P4HTM: variants seen among roughly 807,000 people sequenced by gnomAD.
The protein encoded by P4HTM is transmembrane prolyl 4-hydroxylase.
Under a neutral mutation model 55.3 loss-of-function variants are expected in P4HTM, and 33 were observed. The observed-to-expected ratio is 0.60, with a 90% CI of 0.45 to 0.80. P4HTM has a LOEUF of 0.80. Among genes scored for constraint, P4HTM ranks in the 30% least tolerant of loss-of-function variants. P4HTM has a pLI of 0.00. For missense variants in P4HTM, 542 were observed against 696.5 expected (o/e 0.78, Z 2.50); for synonymous variants, 272 against 286.4 (o/e 0.95, Z 0.51).
rs149937234 is a variant in P4HTM at position 49,002,926 on chromosome 3, G to A, written c.724+330G>A. On this transcript the variant is annotated intron_variant, in intron 4 of 8. Coordinates refer to ENST00000383729, the MANE Select transcript of P4HTM (RefSeq NM_177939.3). The surrounding 1 kb of genome is among the most constrained non-coding windows in gnomAD (Gnocchi z 4.4). ...AGAGTGGGTGGAGCAGGAGCAAGGCGACAGTGAGGCCAGCTAGAGCTTGGC... is the reference window on the plus strand; with the variant it reads ...AGAGTGGGTGGAGCAGGAGCAAGGCAACAGTGAGGCCAGCTAGAGCTTGGC... The A allele has an allele frequency of 4.6e-5, 19 of 410,388 alleles. No individual in the cohort carries two copies. Among genetic ancestry groups the A allele is most frequent in the Middle Eastern group, 7.4e-4 (1 of 1,352 alleles). 25.4% of individuals were successfully genotyped at this position (410,388 alleles called of 1,614,324 possible). A position where few individuals can be genotyped will look rare whatever the true frequency, so the allele number is the denominator to read the frequency against.
chr3:49,004,274 GCTGTT>G lies in P4HTM; in HGVS notation c.887+17_887+21del. 1 of 1,542,120 alleles carries G rather than the reference GCTGTT, an allele frequency of 6.5e-7. No individual in the cohort carries two copies. The highest frequency in any genetic ancestry group is 8.7e-7 in the Non-Finnish European group (1 of 1,142,868). ...CATCCGCCAGAGGTGAGCACCTGAA[GCTGTT>G]CTCACTGGAGCAGGGGGAGAAGACT... On this transcript the variant is annotated intron_variant, in intron 5 of 8. Transcript: ENST00000383729.
At chr3:48,991,952 G>A (rs1011103145) in intron 2 of P4HTM, 1 of 152,222 alleles carries the variant, frequency 6.6e-6, no homozygotes, top group Non-Finnish European at 1.5e-5. Context: ...AAGGCAGAGG[G>A]TCCTGGTTGG....
At chr3:48,991,643 G>T (rs2092931557) in intron 2 of P4HTM, 1 of 152,350 alleles carries the variant, frequency 6.6e-6, no homozygotes, top group Non-Finnish European at 1.5e-5. Context: ...GGCTGACACG[G>T]TTACTTCAGT....
Position 49,006,695 on chromosome 3 carries a change from G to A in P4HTM, c.1297G>A (p.Gly433Ser). 1 of 1,613,578 alleles carries A rather than the reference G, an allele frequency of 6.2e-7. No individual in the cohort carries two copies. The highest frequency in any genetic ancestry group is 8.5e-7 in the Non-Finnish European group (1 of 1,179,958). ...TCACCCTCCTCTTCTAGGTTGGGTG[G>A]GTGACGTAGACGACTACTCGCTGCA... ...NYLPDGQGWV[G>S]DVDDYSLHGG... Residue 433 changes from glycine to serine, a missense_variant, in exon 9 of 9, where the codon GGT (glycine) becomes AGT (serine). Gly to Ser is a moderately conservative substitution (Grantham distance 56). This residue lies in a region of P4HTM where 536 missense variants were observed against 672.1 expected (regional missense o/e 0.80). Transcript: ENST00000383729.
At chr3:48,998,668 T>G (rs1374791225) in intron 2 of P4HTM, among the ~76,000 whole-genome samples, 1 of 152,178 alleles carries the variant, frequency 6.6e-6, no homozygotes, top group African/African-American at 2.4e-5. Context: ...ACTCTCCATC[T>G]TAAAGTGAGG....
intron 7 of P4HTM, 80 bp from the exon 8 acceptor site, chr3:49,005,984 G>A: frequency 6.4e-7 from 1 of 1,561,040 alleles, no homozygotes; most frequent in Non-Finnish European, 8.7e-7. Flanking sequence ...ATATCTGGTT[G>A]GTTTCCCTTT....
Position 49,006,783 on chromosome 3 carries a change from CCAGCCGAGCGCGGCAAGCGCT to C in P4HTM, c.1386_1406del (p.Ser463_Leu469del). The stretch of plus-strand genomic sequence containing the variant: ...GCCAACAACTGGATTAATGTGGACC[CCAGCCGAGCGCGGCAAGCGCT>C]GTTCCAACAGGAGATGGCCCGCCTT... On this transcript the variant is annotated inframe_deletion, in exon 9 of 9. Coordinates refer to ENST00000383729, the MANE Select transcript of P4HTM (RefSeq NM_177939.3). 1 of 1,613,612 alleles carries C rather than the reference CCAGCCGAGCGCGGCAAGCGCT, an allele frequency of 6.2e-7. No individual in the cohort carries two copies. The highest frequency in any genetic ancestry group is 8.5e-7 in the Non-Finnish European group (1 of 1,180,040).
intron 2 of P4HTM, among the ~76,000 whole-genome samples, chr3:48,995,127 A>G (rs1165525563): frequency 6.6e-6 from 1 of 151,900 alleles, no homozygotes; most frequent in African/African-American, 2.4e-5. Context: ...AATGTCTCCA[A>G]CATTTTCCAT....
At position 48,990,805 on chromosome 3, in the gene P4HTM, AG is replaced by A; in HGVS notation, c.355-27del. On this transcript the variant is annotated intron_variant, in intron 1 of 8. Transcript: ENST00000383729. The surrounding 1 kb of genome is among the most constrained non-coding windows in gnomAD (Gnocchi z 7.2). ...CTTGGGCAGCGCGGTCTGGCGCCCC[AG>A]CTGCCCGCTGTGCGCCTTTTCCTTA... is the stretch of plus-strand genomic sequence containing the variant. The A allele has an allele frequency of 6.2e-7, 1 of 1,604,966 alleles. No homozygotes were observed. Among genetic ancestry groups the A allele is most frequent in the Non-Finnish European group, 8.5e-7 (1 of 1,172,614 alleles).
intron 6 of P4HTM, chr3:49,005,485 C>T (rs2092975107): frequency 9.7e-6 from 13 of 1,346,082 alleles, no homozygotes; most frequent in Admixed American, 3.6e-5. Flanking sequence ...TCAGCGCGCC[C>T]TGTTGCTTCT....
At position 49,007,138 on chromosome 3, in the gene P4HTM, G is replaced by A; in HGVS notation, c.*231G>A. The stretch of plus-strand genomic sequence containing the variant: ...CGAGCCGCCGGGCCCGACAAACTCC[G>A]GGTCGGCGAAACAGAGTCCGCGATA... On this transcript the variant is annotated 3_prime_UTR_variant, in exon 9 of 9. Transcript: ENST00000383729. This position sits in a 1 kb window ranked among gnomAD's most constrained non-coding sequence, Gnocchi z 5.1. 1 of 717,758 alleles carries A rather than the reference G, an allele frequency of 1.4e-6. No homozygotes were observed. Among genetic ancestry groups the A allele is most frequent in the South Asian group, 1.9e-5 (1 of 51,806 alleles). The allele number at this position is 717,758 out of a possible 1,614,324, so 44.5% of individuals were successfully genotyped here. A position where few individuals can be genotyped will look rare whatever the true frequency, so the allele number is the denominator to read the frequency against.
rs200947739 is a variant in P4HTM, at chr3:49,001,552, G to C, written c.551G>C (p.Ser184Thr). 8.1e-6 allele frequency: 13 copies of C among 1,613,898 alleles called. No individual in the cohort carries two copies. The highest frequency in any genetic ancestry group is 1.6e-4 in the Middle Eastern group (1 of 6,062). ...ACTGAAGAGTATGAAGAGGCAATGA[G>C]CACTATGCAGGTCAGCCAGCTGGAC... is the stretch of plus-strand genomic sequence containing the variant. ...LPTEEYEEAM[S>T]TMQVSQLDLF... The change falls in exon 3 of 9, where the codon AGC (serine) becomes ACC (threonine). Residue 184 changes from serine to threonine, a missense_variant. Ser to Thr is a moderately conservative substitution (Grantham distance 58). Around this residue, in one of 2 missense-constraint regions of P4HTM, gnomAD observed 536 missense variants for 672.1 expected, o/e 0.80. Transcript: ENST00000383729.
At chr3:49,004,511 G>A (rs549070852) in intron 5 of P4HTM, 7 of 559,344 alleles carry the variant, frequency 1.3e-5, no homozygotes, top group Admixed American at 3.5e-5. Flanking sequence ...TTAGATAAAT[G>A]ACCTCTTATC....
intron 2 of P4HTM, among the ~76,000 whole-genome samples, chr3:48,994,366 A>AG (rs1428206448): frequency 6.6e-6 from 1 of 152,172 alleles, no homozygotes; most frequent in East Asian, 1.9e-4. Context: ...AGCTGGGGCA[A>AG]GGGAACTGGG....
At chr3:48,995,323 G>A (rs1354121693) in intron 2 of P4HTM, among the ~76,000 whole-genome samples, 4 of 152,062 alleles carry the variant, frequency 2.6e-5, no homozygotes, top group Non-Finnish European at 4.4e-5. Flanking sequence ...CCCACAGAGC[G>A]TGCCTTCAGC....
At chr3:49,006,539 G>A (rs2092982573) in intron 8 of P4HTM, 148 bp from the exon 9 acceptor site, 1 of 680,092 alleles carries the variant, frequency 1.5e-6, no homozygotes, top group Admixed American at 2.4e-5. Context: ...AGTGGGCTGA[G>A]ATGAGGAGCC....
Position 49,002,133 on chromosome 3 carries a change from C to G in P4HTM, c.628-367C>G, listed in dbSNP as rs1397317793. On this transcript the variant is annotated intron_variant, in intron 3 of 8. Transcript: ENST00000383729. The surrounding 1 kb of genome is among the most constrained non-coding windows in gnomAD (Gnocchi z 4.4). ...TCTGGTGGTCATGCCCTAACCAGGT[C>G]TCCCCCTGGTGCCTGTTCTCCCTTA... 2.0e-5 allele frequency among the ~76,000 whole-genome samples: 3 copies of G among 152,342 alleles called. No individual in the cohort carries two copies. Among genetic ancestry groups the G allele is most frequent in the Non-Finnish European group, 4.4e-5 (3 of 68,024 alleles).
At chr3:49,005,685 A>T in intron 6 of P4HTM, 92 bp from the exon 7 acceptor site, 1 of 1,496,518 alleles carries the variant, frequency 6.7e-7, no homozygotes, top group Non-Finnish European at 8.9e-7. Flanking sequence ...GGTCCCTGGC[A>T]ACAGGAACCT....
In P4HTM at chr3:49,006,252, G is replaced by A. The variant is rs143571875; in HGVS notation, c.1288+65G>A. 6.1e-4 allele frequency: 936 copies of A among 1,545,836 alleles called. 7 individuals carry two copies. The African/African-American group carries it at 9.9e-3, about 16-fold the overall frequency. On this transcript the variant is annotated intron_variant, in intron 8 of 8. Transcript: ENST00000383729. ...TACAGCTTCCCTTTACCCAGCCCCCGTCTGCCACAATGGAGGGCTGTTTCT... is the reference window on the plus strand; with the variant it reads ...TACAGCTTCCCTTTACCCAGCCCCCATCTGCCACAATGGAGGGCTGTTTCT...
Sources: allele counts gnomAD v4.1 joint callset (sites outside exome capture counted in the v4.1 genomes callset), GRCh38; gene constraint gnomAD v4.1.1; regional missense constraint gnomAD v4.1.1; non-coding constraint Gnocchi (gnomAD v3.1); transcripts MANE v1.5; gene names NCBI Gene and HGNC (gene_info 2026-07-23, HGNC 2026-07-21).